NXPH1: variants seen among roughly 807,000 people sequenced by gnomAD.
NXPH1 encodes neurexophilin-1.
In NXPH1, 5 loss-of-function variants were observed where a neutral mutation model predicts 23.7. The ratio of observed to expected loss-of-function variants is 0.21; its 90% CI spans 0.11 to 0.44. NXPH1 has a LOEUF of 0.44. NXPH1 is among the 20% of genes least tolerant of loss of function. The pLI, the probability that NXPH1 is intolerant of heterozygous loss-of-function variation, is 0.99. For missense variants in NXPH1, 324 were observed against 321.6 expected (o/e 1.01, Z -0.06); for synonymous variants, 144 against 122.2 (o/e 1.18, Z -1.18).
At chr7:8,582,917 G>A (rs889821081) in intron 2 of NXPH1, among the ~76,000 whole-genome samples, 2 of 152,166 alleles carry the variant, frequency 1.3e-5, no homozygotes, top group African/African-American at 4.8e-5. Flanking sequence ...GGCTGTTCAC[G>A]CTGAGGGGCA....
intron 2 of NXPH1, among the ~76,000 whole-genome samples, chr7:8,512,295 C>T (rs903542939): frequency 1.3e-5 from 2 of 152,120 alleles, no homozygotes; most frequent in African/African-American, 2.4e-5. Flanking sequence ...ATTTTTGTAA[C>T]CCTTTTTGAA....
intron 2 of NXPH1, among the ~76,000 whole-genome samples, chr7:8,701,203 T>C (rs1217036369): frequency 6.6e-6 from 1 of 152,138 alleles, no homozygotes; most frequent in African/African-American, 2.4e-5. Context: ...AACTCCTGCT[T>C]CTCTTCAATA....
chr7:8,519,519 A>T (rs1473928892), intron 2 of NXPH1, among the ~76,000 whole-genome samples: 1 of 152,210 alleles, frequency 6.6e-6, no homozygotes, highest in Non-Finnish European at 1.5e-5. Context: ...CCAAGGAAAT[A>T]AAAGGACTAG....
At chr7:8,470,254 A>C (rs17404198) in intron 2 of NXPH1, among the ~76,000 whole-genome samples, 56,864 of 152,050 alleles carry the variant, frequency 0.37, 11,162 homozygotes, top group East Asian at 0.63. Flanking sequence ...TACATTGACT[A>C]TTAAGTTGGC....
chr7:8,647,212 A>G (rs964640185), intron 2 of NXPH1, among the ~76,000 whole-genome samples: 16 of 152,172 alleles, frequency 1.1e-4, no homozygotes, highest in Non-Finnish European at 2.1e-4. Context: ...TGATCCCTCA[A>G]CCCTGACCCT....
chr7:8,679,719 C>G (rs1199056758), intron 2 of NXPH1, among the ~76,000 whole-genome samples: 1 of 152,184 alleles, frequency 6.6e-6, no homozygotes, highest in East Asian at 1.9e-4. Context: ...TTGTTGCACT[C>G]TCTTCATTAA....
chr7:8,694,089 G>A (rs191248222), intron 2 of NXPH1, among the ~76,000 whole-genome samples: 141 of 152,276 alleles, frequency 9.3e-4, no homozygotes, highest in Middle Eastern at 3.4e-3. Context: ...CGAATCCACT[G>A]GCAAGCCCTG....
intron 2 of NXPH1, among the ~76,000 whole-genome samples, chr7:8,640,499 C>T (rs903881767): frequency 6.6e-6 from 1 of 151,558 alleles, no homozygotes; most frequent in African/African-American, 2.4e-5. Context: ...ATTTCTGTAT[C>T]CTGTACTTCT....
At chr7:8,633,870 A>G (rs1431022834) in intron 2 of NXPH1, among the ~76,000 whole-genome samples, 1 of 152,108 alleles carries the variant, frequency 6.6e-6, no homozygotes, top group African/African-American at 2.4e-5. Flanking sequence ...AATATTTTTC[A>G]ATTTTTTGTG....
chr7:8,715,272 T>C (rs1339122026), intron 2 of NXPH1, among the ~76,000 whole-genome samples: 1 of 152,100 alleles, frequency 6.6e-6, no homozygotes, highest in Non-Finnish European at 1.5e-5. Context: ...GCCCAGGTTC[T>C]CTCTCCATAC....
chr7:8,649,497 C>A (rs574158852), intron 2 of NXPH1, among the ~76,000 whole-genome samples: 1 of 152,192 alleles, frequency 6.6e-6, no homozygotes, highest in East Asian at 1.9e-4. Flanking sequence ...AAACCAAGAC[C>A]AGGGCAAAAT....
intron 2 of NXPH1, among the ~76,000 whole-genome samples, chr7:8,488,096 C>A (rs1584189054): frequency 6.6e-6 from 1 of 152,108 alleles, no homozygotes; most frequent in East Asian, 1.9e-4. Context: ...TTCCATAGTT[C>A]TTGCTCTTCA....
At chr7:8,604,005 G>T (rs1468138790) in intron 2 of NXPH1, among the ~76,000 whole-genome samples, 3 of 151,850 alleles carry the variant, frequency 2.0e-5, no homozygotes. Context: ...TCTTTCTTGG[G>T]ACAAATGCAA....
At chr7:8,486,019 G>C (rs534174912) in intron 2 of NXPH1, among the ~76,000 whole-genome samples, 1 of 152,246 alleles carries the variant, frequency 6.6e-6, no homozygotes, top group Admixed American at 6.5e-5. Context: ...AAGATAAAAT[G>C]CCTAGAAAGA....
At chr7:8,468,263 A>T (rs1265383023) in intron 2 of NXPH1, among the ~76,000 whole-genome samples, 2 of 152,126 alleles carry the variant, frequency 1.3e-5, no homozygotes, top group Non-Finnish European at 2.9e-5. Context: ...CAAATGGCCA[A>T]GTAAGAATGA....
intron 2 of NXPH1, among the ~76,000 whole-genome samples, chr7:8,505,744 A>G (rs1817511423): frequency 6.6e-6 from 1 of 152,092 alleles, no homozygotes; most frequent in Non-Finnish European, 1.5e-5. Context: ...TAGTTAAATA[A>G]CTATGTTAGG....
chr7:8,649,085 T>C (rs1458038101), intron 2 of NXPH1, among the ~76,000 whole-genome samples: 1 of 152,058 alleles, frequency 6.6e-6, no homozygotes, highest in Non-Finnish European at 1.5e-5. Context: ...TATTCATCTA[T>C]TCCATATATT....
chr7:8,696,634 T>C (rs1485576590), intron 2 of NXPH1, among the ~76,000 whole-genome samples: 1 of 151,946 alleles, frequency 6.6e-6, no homozygotes, highest in South Asian at 2.1e-4. Flanking sequence ...AGAGCAAAAG[T>C]CTTAGGGCTG....
chr7:8,736,270 C>T (rs1262043373), intron 2 of NXPH1, among the ~76,000 whole-genome samples: 2 of 152,158 alleles, frequency 1.3e-5, no homozygotes, highest in East Asian at 1.9e-4. Flanking sequence ...GCATTTAGTG[C>T]TATAAATTTC....
Sources: gnomAD v4.1 joint callset for allele counts (sites outside exome capture counted in the v4.1 genomes callset) on GRCh38, gnomAD v4.1.1 for gene constraint, MANE v1.5 for transcripts, NCBI Gene and HGNC (gene_info 2026-07-23, HGNC 2026-07-21) for gene names.